The following KIF1A variants were observed in gnomAD, a reference collection of about 807,000 sequenced individuals.
The protein encoded by KIF1A is kinesin-like protein KIF1A.
Under a neutral mutation model 227.3 loss-of-function variants are expected in KIF1A, and 46 were observed. The observed-to-expected ratio is 0.20, with a 90% CI of 0.16 to 0.26. The LOEUF (loss-of-function observed/expected upper bound fraction) is 0.26, where lower values mean the gene tolerates loss of function less well. Among genes scored for constraint, KIF1A ranks in the 10% least tolerant of loss-of-function variants. KIF1A has a pLI of 1.00. For synonymous variants in KIF1A, 1,022 were observed against 1,012.8 expected (o/e 1.01, Z -0.17); for missense variants, 1,683 against 2,485.9 (o/e 0.68, Z 6.87).
Position 240,766,936 on chromosome 2 carries a change from C to G in KIF1A, c.1663G>C (p.Asp555His). 1 of 1,611,018 alleles carries G rather than the reference C, an allele frequency of 6.2e-7. No homozygotes were observed. Among genetic ancestry groups the G allele is most frequent in the Non-Finnish European group, 8.5e-7 (1 of 1,178,968 alleles). Residue 555 changes from aspartate (D) to histidine (H), a missense_variant, in exon 19 of 49, where the codon GAC (aspartate) becomes CAC (histidine). Asp to His is a moderately conservative substitution (Grantham distance 81). Transcript: ENST00000498729. The surrounding 1 kb of genome is among the most constrained non-coding windows in gnomAD (Gnocchi z 5.0). ...ATACCTTCGCTGCCTCCCCTGGAGT[C>G]GCTCCGGAAGACGCAGTGCTCCTCC... ...IKEEHCVFRSDSRGGSEAVVT... is the reference protein window; with the variant it reads ...IKEEHCVFRSHSRGGSEAVVT...
intron 1 of KIF1A, among the ~76,000 whole-genome samples, chr2:240,807,292 C>G (rs2057516455): frequency 1.3e-5 from 2 of 152,066 alleles, no homozygotes; most frequent in African/African-American, 2.4e-5. Flanking sequence ...ACTAGGCATG[C>G]ACCACCATGC....
chr2:240,760,767 G>T lies in KIF1A; in HGVS notation c.2342C>A (p.Ala781Asp), dbSNP rs1378942061. ...GAAGGGCCGCGTCTCTCGGTCTTTG[G>T]CGGCCTCTGGGGGCAGCAGGTCGGG... ...LPPDLLPPEA[A>D]KDRETRPFPR... Residue 781 changes from alanine to aspartate, a missense_variant, in exon 25 of 49, where the codon GCC becomes GAC. By Grantham distance (126) the Ala-to-Asp change is moderately radical. Around this residue, in one of 12 missense-constraint regions of KIF1A, gnomAD observed 759 missense variants for 1,020.2 expected, o/e 0.74. Transcript: ENST00000498729. 2 of 1,602,712 alleles carry T rather than the reference G, an allele frequency of 1.2e-6. No homozygotes were observed. The highest frequency in any genetic ancestry group is 1.7e-5 in the Admixed American group (1 of 57,886).
chr2:240,810,150 A>C (rs1242180618), intron 1 of KIF1A, among the ~76,000 whole-genome samples: 1 of 152,196 alleles, frequency 6.6e-6, no homozygotes, highest in Non-Finnish European at 1.5e-5. Context: ...CACCAAAATG[A>C]AAGTTTGGGT....
chr2:240,758,729 C>T lies in KIF1A; in HGVS notation c.2445-232G>A, dbSNP rs2050158773. Among the ~76,000 whole-genome samples the T allele has an allele frequency of 6.6e-6, 1 of 152,152 alleles. No homozygotes were observed. The highest frequency in any genetic ancestry group is 6.5e-5 in the Admixed American group (1 of 15,278). ...CACGCAAGGTCACCAACAGCTCCTC[C>T]CAAACTCCCTCCAGGGGGTGGGCTG... On this transcript the variant is annotated intron_variant, in intron 25 of 48. Coordinates refer to ENST00000498729, the MANE Select transcript of KIF1A (RefSeq NM_001244008.2). This position sits in a 1 kb window ranked among gnomAD's most constrained non-coding sequence, Gnocchi z 5.2.
rs771098896 is a variant in KIF1A, at chr2:240,769,697, T to C, written c.1351A>G (p.Lys451Glu). 3 of 1,613,474 alleles carry C rather than the reference T, an allele frequency of 1.9e-6. No individual in the cohort carries two copies. Among genetic ancestry groups the C allele is most frequent in the East Asian group, 2.2e-5 (1 of 44,874 alleles). ...EAIERLKETE[K>E]IIAELNETWE... ...GTCTCATTGAGCTCAGCTATGATCTTCTCTGTTTCCTGGGGATTGAGGCAG... is the reference window on the plus strand; with the variant it reads ...GTCTCATTGAGCTCAGCTATGATCTCCTCTGTTTCCTGGGGATTGAGGCAG... Residue 451 changes from lysine (K) to glutamate (E), a missense_variant, in exon 16 of 49, where the codon AAG becomes GAG. By Grantham distance (56) the Lys-to-Glu change is moderately conservative. Transcript: ENST00000498729.
Position 240,792,243 on chromosome 2 carries a change from G to A in KIF1A, c.107-2931C>T, listed in dbSNP as rs868366333. On this transcript the variant is annotated intron_variant, in intron 2 of 48. Transcript: ENST00000498729. The surrounding 1 kb of genome is among the most constrained non-coding windows in gnomAD (Gnocchi z 4.5). ...GCCTGCTTCTCACAGAGACCTCCCC[G>A]ATTCTGCTGGAGAAAGGGCTTTTTT... is the stretch of plus-strand genomic sequence containing the variant. Among the ~76,000 whole-genome samples, 2 of 152,258 alleles carry A rather than the reference G, an allele frequency of 1.3e-5. No homozygotes were observed. Among genetic ancestry groups the A allele is most frequent in the African/African-American group, 4.8e-5 (2 of 41,560 alleles).
chr2:240,815,397 C>T lies in KIF1A; in HGVS notation c.-61+4725G>A, dbSNP rs572278522. ...TACCAGCCTCAGGGAAGGGGCCCTG[C>T]AGGAGCAGTCCGGGGCCATGCCTGT... On this transcript the variant is annotated intron_variant, in intron 1 of 48. Transcript: ENST00000498729. Among the ~76,000 whole-genome samples the T allele has an allele frequency of 7.9e-5, 12 of 152,250 alleles. No individual in the cohort carries two copies. The East Asian group carries it at 2.3e-3, about 29-fold the overall frequency.
intron 1 of KIF1A, among the ~76,000 whole-genome samples, chr2:240,817,998 G>A (rs915140394): frequency 3.9e-5 from 6 of 152,230 alleles, no homozygotes; most frequent in East Asian, 1.9e-4. Flanking sequence ...GTGGCTGGCC[G>A]GCTGGAGCCC....
intron 18 of KIF1A, 55 bp from the exon 19 acceptor site, chr2:240,767,076 G>T: frequency 7.2e-7 from 1 of 1,382,550 alleles, no homozygotes; most frequent in Non-Finnish European, 1.0e-6. Flanking sequence ...CACCCAGGAC[G>T]CCACCCACTG....
rs183768567 is a variant in KIF1A at position 240,720,089 on chromosome 2, C to T, written c.4869-163G>A. On this transcript the variant is annotated intron_variant, in intron 45 of 48. Coordinates refer to ENST00000498729, the MANE Select transcript of KIF1A (RefSeq NM_001244008.2). ...AGTGGGAGCTCCCGGGGCCCGTCCA[C>T]CAGGATAGCCAAGCTTGTGCCCGAT... The T allele has an allele frequency of 8.4e-5, 48 of 572,626 alleles. No individual in the cohort carries two copies. In the East Asian group the frequency reaches 1.6e-3, roughly 19 times the overall value. 35.5% of individuals were successfully genotyped at this position (572,626 alleles called of 1,614,324 possible).
intron 7 of KIF1A, among the ~76,000 whole-genome samples, chr2:240,784,156 G>A (rs535637384): frequency 6.6e-6 from 1 of 152,304 alleles, no homozygotes; most frequent in South Asian, 2.1e-4. Flanking sequence ...TTCCATAGAT[G>A]GTGCTCAGTG....
In KIF1A at chr2:240,716,814, G is replaced by A. The variant is rs1267501195; in HGVS notation, c.*550C>T. ...TGTGCTAGCCCCAAGGTGCCCCACT[G>A]GTCCAGACAGCTCCTCACTGCGGCC... On this transcript the variant is annotated 3_prime_UTR_variant, in exon 49 of 49. Transcript: ENST00000498729. 1 of 152,960 alleles carries A rather than the reference G, an allele frequency of 6.5e-6. No individual in the cohort carries two copies. The highest frequency in any genetic ancestry group is 1.5e-5 in the Non-Finnish European group (1 of 68,484). The allele number at this position is 152,960 out of a possible 1,614,324, so 9.5% of individuals were successfully genotyped here. A position where few individuals can be genotyped will look rare whatever the true frequency, so the allele number is the denominator to read the frequency against.
Position 240,715,749 on chromosome 2 carries a change from G to A in KIF1A, c.*1615C>T, listed in dbSNP as rs543044129. ...CTGAGGCTCATGTCAGCATCACGTG[G>A]GACAGCCTGGGAGGGTAGGGGCCTC... On this transcript the variant is annotated 3_prime_UTR_variant, in exon 49 of 49. Transcript: ENST00000498729. The A allele has an allele frequency of 2.6e-5, 4 of 152,490 alleles. No individual in the cohort carries two copies. The East Asian group carries it at 7.5e-4, about 29-fold the overall frequency. The allele number at this position is 152,490 out of a possible 1,614,324, so 9.4% of individuals were successfully genotyped here.
At position 240,782,167 on chromosome 2, in the gene KIF1A, G is replaced by A. The variant is rs893311823; in HGVS notation, c.882+423C>T. The A allele has an allele frequency of 9.1e-6, 9 of 985,144 alleles. No homozygotes were observed. The Admixed American group carries it at 2.5e-4, about 27-fold the overall frequency. The allele number at this position is 985,144 out of a possible 1,614,324, so 61.0% of individuals were successfully genotyped here. On this transcript the variant is annotated intron_variant, in intron 10 of 48. Transcript: ENST00000498729. Reference sequence around the variant, plus strand: ...CTCCGCGGCACCTCCGACTCCACACGCGCCCGCCTCCCCCTGTGGCCCCGT... The same window carrying A: ...CTCCGCGGCACCTCCGACTCCACACACGCCCGCCTCCCCCTGTGGCCCCGT...
At chr2:240,762,597 A>G (rs1198056059) in intron 23 of KIF1A, 122 bp downstream of exon 23, 2 of 1,321,148 alleles carry the variant, frequency 1.5e-6, no homozygotes, top group Non-Finnish European at 2.0e-6. Context: ...TTCCCTAAAG[A>G]GACAGGTCCA....
rs57742435 is a variant in KIF1A at position 240,807,130 on chromosome 2, G to GTATA, written c.-60-9322_-60-9319dup. Among the ~76,000 whole-genome samples the GTATA allele has an allele frequency of 6.0e-3, 716 of 119,424 alleles. 13 individuals are homozygous for GTATA. The highest frequency in any genetic ancestry group is 0.012 in the African/African-American group (410 of 32,832). 78.3% of individuals were successfully genotyped at this position (119,424 alleles called of 152,430 possible). Reference sequence around the variant, plus strand: ...TGTGTGTGTGTGTGTGTGTGTGTGTGTATATATATATATATATATATACAC... The same window carrying GTATA: ...TGTGTGTGTGTGTGTGTGTGTGTGTGTATATATATATATATATATATATATACAC... On this transcript the variant is annotated intron_variant, in intron 1 of 48. Transcript: ENST00000498729.
chr2:240,759,344 A>G (rs2050233218), intron 25 of KIF1A, among the ~76,000 whole-genome samples: 1 of 152,008 alleles, frequency 6.6e-6, no homozygotes, highest in Non-Finnish European at 1.5e-5. Context: ...ACACAAACCA[A>G]CCAATCCCAA....
chr2:240,799,043 T>C (rs1383184071), intron 1 of KIF1A, among the ~76,000 whole-genome samples: 1 of 152,206 alleles, frequency 6.6e-6, no homozygotes, highest in African/African-American at 2.4e-5. Flanking sequence ...TGGGGGAATC[T>C]GGCAAAAAGC....
In KIF1A at chr2:240,736,132, CAGA is replaced by C. The variant is rs1364634210; in HGVS notation, c.4007+928_4007+930del. Reference sequence around the variant, plus strand: ...ACCAAAGCTTTGTGTGGACCCAAGTCAGAAGAATAGGAGACGACGCCCGCCAGG... The same window carrying C: ...ACCAAAGCTTTGTGTGGACCCAAGTCAGAATAGGAGACGACGCCCGCCAGG... On this transcript the variant is annotated intron_variant, in intron 38 of 48. Transcript: ENST00000498729. This position sits in a 1 kb window ranked among gnomAD's most constrained non-coding sequence, Gnocchi z 4.7. Among the ~76,000 whole-genome samples the C allele has an allele frequency of 2.0e-5, 3 of 152,134 alleles. No individual in the cohort carries two copies. The highest frequency in any genetic ancestry group is 2.0e-4 in the Admixed American group (3 of 15,282).
Sources: allele counts gnomAD v4.1 joint callset (sites outside exome capture counted in the v4.1 genomes callset), GRCh38; gene constraint gnomAD v4.1.1; regional missense constraint gnomAD v4.1.1; non-coding constraint Gnocchi (gnomAD v3.1); transcripts MANE v1.5; gene names NCBI Gene and HGNC (gene_info 2026-07-23, HGNC 2026-07-21).